The following DSEL variants were observed in gnomAD, a reference collection of about 807,000 sequenced individuals.
DSEL encodes the protein dermatan sulfate epimerase like, also known as dermatan-sulfate epimerase-like protein.
DSEL carries 61 observed loss-of-function variants against 96.6 expected under a neutral mutation model. The ratio of observed to expected loss-of-function variants is 0.63; its 90% CI spans 0.51 to 0.78. The LOEUF is 0.78. DSEL is among the 30% of genes least tolerant of loss of function. DSEL has a pLI of 0.00. For synonymous variants in DSEL, 514 were observed against 502.0 expected, an observed-to-expected ratio of 1.02 and a Z score of -0.32; for missense variants, 1,320 against 1,430.8, an observed-to-expected ratio of 0.92 and a Z score of 1.25.
rs762377472 is a variant in DSEL at position 67,511,710 on chromosome 18, A to G, written c.2899T>C (p.Leu967=). The G allele has an allele frequency of 4.3e-6, 7 of 1,614,046 alleles. No homozygotes were observed. The highest frequency in any genetic ancestry group is 5.9e-6 in the Non-Finnish European group (7 of 1,179,940). ...TTCATTTGACTTCTTTGTTCTGGCA[A>G]AGACTCTCTCCTTTTAAATTTTCTT... ...KKRKFKRRES[L]PEQRSQMKGA... Residue 967 remains leucine (L), a synonymous_variant, in exon 2 of 2, where the codon TTG becomes CTG. Transcript: ENST00000310045.
In DSEL at chr18:67,511,650, C is replaced by A; in HGVS notation, c.2959G>T (p.Ala987Ser). 6.2e-7 allele frequency: 1 copy of A among 1,614,128 alleles called. No homozygotes were observed. Among genetic ancestry groups the A allele is most frequent in the South Asian group, 1.1e-5 (1 of 91,082 alleles). ...AFDRDAEYIRALRRHLVYYPS... is the reference protein window; with the variant it reads ...AFDRDAEYIRSLRRHLVYYPS... The stretch of plus-strand genomic sequence containing the variant: ...TAGTAAACCAGGTGTCTCCTCAAAG[C>A]CCTAATATATTCAGCATCTCTATCA... Residue 987 changes from alanine to serine, a missense_variant, in exon 2 of 2, where the codon GCT becomes TCT. Physicochemically the swap from Ala to Ser is moderately conservative, Grantham distance 99. This residue lies in a region of DSEL where 986 missense variants were observed against 1,066.4 expected (regional missense o/e 0.92). Coordinates refer to ENST00000310045, the MANE Select transcript of DSEL (RefSeq NM_032160.3).
chr18:67,512,430 T>G lies in DSEL; in HGVS notation c.2179A>C (p.Arg727=). 1.2e-6 allele frequency: 2 copies of G among 1,614,160 alleles called. No individual in the cohort carries two copies. Among genetic ancestry groups the G allele is most frequent in the Non-Finnish European group, 1.7e-6 (2 of 1,180,036 alleles). ...IVTDYHNLKT[R]FNYLGFGGFA... ...CCACCGAATCCCAGATAATTGAATC[T>G]TGTCTTCAGGTTATGGTAATCAGTT... is the stretch of plus-strand genomic sequence containing the variant. The change falls in exon 2 of 2, where the codon AGA becomes CGA. Residue 727 remains arginine (R), a synonymous_variant. Transcript: ENST00000310045.
rs116615279 is a variant in DSEL, at chr18:67,512,817, C to T, written c.1792G>A (p.Val598Ile). Reference protein sequence around the residue: ...ERQEDSPINSVSAFFHNLDID... With the variant: ...ERQEDSPINSISAFFHNLDID... ...TCCAAATTATGAAAGAAGGCACTGACAGAATTTATTGGGGAATCTTCTTGC... is the reference window on the plus strand; with the variant it reads ...TCCAAATTATGAAAGAAGGCACTGATAGAATTTATTGGGGAATCTTCTTGC... Residue 598 changes from valine to isoleucine, a missense_variant, in exon 2 of 2, where the codon GTC becomes ATC. Transcript: ENST00000310045. 1.1e-5 allele frequency: 18 copies of T among 1,613,864 alleles called. No homozygotes were observed. Among genetic ancestry groups the T allele is most frequent in the Non-Finnish European group, 1.5e-5 (18 of 1,180,026 alleles).
Position 67,515,025 on chromosome 18 carries a change from C to G in DSEL, c.-417G>C, listed in dbSNP as rs1188727579. ...AATTCAAATTAAGAGTCATTTCTAG[C>G]ACAGAAAACCATCACTGGTGATAAG... On this transcript the variant is annotated 5_prime_UTR_variant, in exon 2 of 2. Transcript: ENST00000310045. 5.2e-6 allele frequency: 1 copy of G among 192,872 alleles called. No individual in the cohort carries two copies. Among genetic ancestry groups the G allele is most frequent in the African/African-American group, 2.4e-5 (1 of 42,282 alleles). The allele number at this position is 192,872 out of a possible 1,614,324, so 11.9% of individuals were successfully genotyped here.
rs780024730 is a variant in DSEL, at chr18:67,514,519, G to A, written c.90C>T (p.Ser30=). 68 of 1,613,936 alleles carry A rather than the reference G, an allele frequency of 4.2e-5. No homozygotes were observed. The highest frequency in any genetic ancestry group is 5.8e-5 in the Non-Finnish European group (68 of 1,180,024). The change falls in exon 2 of 2, where the codon TCC becomes TCT. Residue 30 remains serine (S), a synonymous_variant. Transcript: ENST00000310045. ...STFEESVSNY[S]EWAVFTDDID... ...TATCATCTGTGAAAACTGCCCATTC[G>A]GAATAATTGCTCACAGATTCCTCAA...
chr18:67,516,438 C>A lies in DSEL; in HGVS notation c.-962G>T, dbSNP rs2089476854. ...GGAGGTGGAGAGTTCCAGAAAACTG[C>A]TCTGCACGGCGGGCCAGGCTCCCGC... On this transcript the variant is annotated 5_prime_UTR_variant, in exon 1 of 2. Coordinates refer to ENST00000310045, the MANE Select transcript of DSEL (RefSeq NM_032160.3). The surrounding 1 kb of genome is among the most constrained non-coding windows in gnomAD (Gnocchi z 5.6). The A allele has an allele frequency of 6.6e-6, 1 of 152,388 alleles. No homozygotes were observed. Among genetic ancestry groups the A allele is most frequent in the Admixed American group, 6.5e-5 (1 of 15,282 alleles). 9.4% of individuals were successfully genotyped at this position (152,388 alleles called of 1,614,324 possible).
Position 67,507,794 on chromosome 18 carries a change from G to C in DSEL, c.*3176C>G, listed in dbSNP as rs1030246616. 1 of 152,138 alleles carries C rather than the reference G, an allele frequency of 6.6e-6. No homozygotes were observed. Among genetic ancestry groups the C allele is most frequent in the African/African-American group, 2.4e-5 (1 of 41,432 alleles). 9.4% of individuals were successfully genotyped at this position (152,138 alleles called of 1,614,324 possible). ...GTGTCCACACCTAAACGTACATATT[G>C]TTGTGTCATCACTTTGTTAAAATTT... On this transcript the variant is annotated 3_prime_UTR_variant, in exon 2 of 2. Transcript: ENST00000310045.
In DSEL at chr18:67,507,594, G is replaced by A. The variant is rs998825113; in HGVS notation, c.*3376C>T. ...TTGGTGATGTACAGAAATCGTTGCT[G>A]AACAATTATGCCAACCAAAAGTAAG... is the stretch of plus-strand genomic sequence containing the variant. On this transcript the variant is annotated 3_prime_UTR_variant, in exon 2 of 2. Transcript: ENST00000310045. The A allele has an allele frequency of 2.0e-5, 3 of 152,104 alleles. No homozygotes were observed. Among genetic ancestry groups the A allele is most frequent in the Non-Finnish European group, 2.9e-5 (2 of 68,004 alleles). 9.4% of individuals were successfully genotyped at this position (152,104 alleles called of 1,614,324 possible). A position where few individuals can be genotyped will look rare whatever the true frequency, so the allele number is the denominator to read the frequency against.
rs755546753 is a variant in DSEL, at chr18:67,511,215, G to A, written c.3394C>T (p.His1132Tyr). 2.5e-5 allele frequency: 40 copies of A among 1,613,770 alleles called. No homozygotes were observed. Among genetic ancestry groups the A allele is most frequent in the Non-Finnish European group, 3.3e-5 (39 of 1,180,026 alleles). The stretch of plus-strand genomic sequence containing the variant: ...CTTTCAGTAGTTTTCTGAGGAAAAT[G>A]CACAATATCTTCAAACTTGACCAGC... Reference protein sequence around the residue: ...YQLVKFEDIVHFPQKTTERIF... With the variant: ...YQLVKFEDIVYFPQKTTERIF... Residue 1132 changes from histidine (H) to tyrosine (Y), a missense_variant, in exon 2 of 2, where the codon CAT (histidine) becomes TAT (tyrosine). Around this residue, in one of 3 missense-constraint regions of DSEL, gnomAD observed 986 missense variants for 1,066.4 expected, o/e 0.92. Coordinates refer to ENST00000310045, the MANE Select transcript of DSEL (RefSeq NM_032160.3).
At position 67,511,162 on chromosome 18, in the gene DSEL, C is replaced by A. The variant is rs751267678; in HGVS notation, c.3447G>T (p.Leu1149Phe). ...ERIFAFLGIPLSPASLNQILF... is the reference protein window; with the variant it reads ...ERIFAFLGIPFSPASLNQILF... ...ATATTTGGTTTAAACTAGCAGGAGACAAAGGAATTCCAAGAAAGGCAAAAA... is the reference window on the plus strand; with the variant it reads ...ATATTTGGTTTAAACTAGCAGGAGAAAAAGGAATTCCAAGAAAGGCAAAAA... The change falls in exon 2 of 2, where the codon TTG (leucine) becomes TTT (phenylalanine). Residue 1149 changes from leucine (L) to phenylalanine (F), a missense_variant. Leu to Phe is a conservative substitution (Grantham distance 22). Coordinates refer to ENST00000310045, the MANE Select transcript of DSEL (RefSeq NM_032160.3). 16 of 1,614,062 alleles carry A rather than the reference C, an allele frequency of 9.9e-6. No individual in the cohort carries two copies. Among genetic ancestry groups the A allele is most frequent in the Non-Finnish European group, 1.4e-5 (16 of 1,180,010 alleles).
In DSEL at chr18:67,512,566, G is replaced by A. The variant is rs1253343462; in HGVS notation, c.2043C>T (p.Val681=). ...MEPTITRIAY[V]FYGPYINVSS... Reference sequence around the variant, plus strand: ...AGACATTGATATATGGCCCATAAAAGACATATGCAATTCTTGTGATTGTGG... The same window carrying A: ...AGACATTGATATATGGCCCATAAAAAACATATGCAATTCTTGTGATTGTGG... Residue 681 remains valine (V), a synonymous_variant, in exon 2 of 2, where the codon GTC becomes GTT. Coordinates refer to ENST00000310045, the MANE Select transcript of DSEL (RefSeq NM_032160.3). The A allele has an allele frequency of 6.2e-7, 1 of 1,614,142 alleles. No individual in the cohort carries two copies. Among genetic ancestry groups the A allele is most frequent in the East Asian group, 2.2e-5 (1 of 44,878 alleles).
In DSEL at chr18:67,507,050, A is replaced by G. The variant is rs964149202; in HGVS notation, c.*3920T>C. 1 of 152,146 alleles carries G rather than the reference A, an allele frequency of 6.6e-6. No individual in the cohort carries two copies. Among genetic ancestry groups the G allele is most frequent in the Admixed American group, 6.5e-5 (1 of 15,268 alleles). The allele number at this position is 152,146 out of a possible 1,614,324, so 9.4% of individuals were successfully genotyped here. A position where few individuals can be genotyped will look rare whatever the true frequency, so the allele number is the denominator to read the frequency against. ...CACATATTAAGTGTCTTGATATCTTAGAATGTCAGGTACCCTTGCCAGGTG... is the reference window on the plus strand; with the variant it reads ...CACATATTAAGTGTCTTGATATCTTGGAATGTCAGGTACCCTTGCCAGGTG... On this transcript the variant is annotated 3_prime_UTR_variant, in exon 2 of 2. Transcript: ENST00000310045.
At position 67,511,049 on chromosome 18, in the gene DSEL, G is replaced by A; in HGVS notation, c.3560C>T (p.Pro1187Leu). Reference sequence around the variant, plus strand: ...TTCAATTAGTTTAATTTCATCTCTAGGCAAGTTCTGTTTCCAAACATTAGT... The same window carrying A: ...TTCAATTAGTTTAATTTCATCTCTAAGCAAGTTCTGTTTCCAAACATTAGT... ...TNTNVWKQNL[P>L]RDEIKLIENI... Residue 1187 changes from proline to leucine, a missense_variant, in exon 2 of 2, where the codon CCT (proline) becomes CTT (leucine). By Grantham distance (98) the Pro-to-Leu change is moderately conservative. Around this residue, in one of 3 missense-constraint regions of DSEL, gnomAD observed 986 missense variants for 1,066.4 expected, o/e 0.92. Transcript: ENST00000310045. 1 of 1,613,666 alleles carries A rather than the reference G, an allele frequency of 6.2e-7. No homozygotes were observed. The highest frequency in any genetic ancestry group is 1.3e-5 in the African/African-American group (1 of 74,986).
At position 67,513,098 on chromosome 18, in the gene DSEL, G is replaced by T. The variant is rs1307257733; in HGVS notation, c.1511C>A (p.Ala504Asp). The T allele has an allele frequency of 6.2e-7, 1 of 1,613,994 alleles. No individual in the cohort carries two copies. The highest frequency in any genetic ancestry group is 1.3e-5 in the African/African-American group (1 of 74,876). ...LSHLNNVLVF[A>D]PSPSSQCNKP... ...ATTACACTGGCTTGAGGGTGATGGA[G>T]CAAACACCAATACATTGTTAAGGTG... is the stretch of plus-strand genomic sequence containing the variant. Residue 504 changes from alanine (A) to aspartate (D), a missense_variant, in exon 2 of 2, where the codon GCT becomes GAT. Ala to Asp is a moderately radical substitution (Grantham distance 126). Coordinates refer to ENST00000310045, the MANE Select transcript of DSEL (RefSeq NM_032160.3).
At position 67,514,656 on chromosome 18, in the gene DSEL, C is replaced by T. The variant is rs1261092413; in HGVS notation, c.-48G>A. 8.8e-6 allele frequency: 14 copies of T among 1,594,600 alleles called. No individual in the cohort carries two copies. Among genetic ancestry groups the T allele is most frequent in the Non-Finnish European group, 1.1e-5 (13 of 1,170,000 alleles). On this transcript the variant is annotated 5_prime_UTR_variant, in exon 2 of 2. Transcript: ENST00000310045. ...TTAGGCATACATGTCAGATATGATG[C>T]TCAATGTGTTTCCCATCTGGTTAGT...
At chr18:67,515,604 C>T (rs371910716) in intron 1 of DSEL, 112 bp from the exon 2 acceptor site, 10 of 154,110 alleles carry the variant, frequency 6.5e-5, no homozygotes, top group African/African-American at 1.9e-4. Flanking sequence ...TTTAGAATCA[C>T]AGTAAAATCT....
rs371262711 is a variant in DSEL at position 67,507,216 on chromosome 18, G to C, written c.*3754C>G. Reference sequence around the variant, plus strand: ...ACAAAAATGAGCCAAGCATGGTGGCGTGCACCTGTAATCCCAGCTATTCAG... The same window carrying C: ...ACAAAAATGAGCCAAGCATGGTGGCCTGCACCTGTAATCCCAGCTATTCAG... On this transcript the variant is annotated 3_prime_UTR_variant, in exon 2 of 2. Coordinates refer to ENST00000310045, the MANE Select transcript of DSEL (RefSeq NM_032160.3). The C allele has an allele frequency of 6.6e-6, 1 of 151,664 alleles. No individual in the cohort carries two copies. Among genetic ancestry groups the C allele is most frequent in the Non-Finnish European group, 1.5e-5 (1 of 67,968 alleles). The allele number at this position is 151,664 out of a possible 1,614,324, so 9.4% of individuals were successfully genotyped here.
chr18:67,512,032 T>C lies in DSEL; in HGVS notation c.2577A>G (p.Ser859=), dbSNP rs778113094. 45 of 1,613,860 alleles carry C rather than the reference T, an allele frequency of 2.8e-5. 1 individual carries two copies. Among genetic ancestry groups the C allele is most frequent in the Non-Finnish European group, 3.7e-5 (44 of 1,179,992 alleles). ...HMDLPDVVIT[S]LPGSGAEILK... is the part of the protein sequence containing the mutation. ...GAATTTCAGCTCCTGAACCAGGAAG[T>C]GAGGTAATGACAACATCAGGAAGAT... Residue 859 remains serine (S), a synonymous_variant, in exon 2 of 2, where the codon TCA becomes TCG. Transcript: ENST00000310045.
rs2089454258 is a variant in DSEL at position 67,513,190 on chromosome 18, G to T, written c.1419C>A (p.Asn473Lys). 6.2e-7 allele frequency: 1 copy of T among 1,614,040 alleles called. No individual in the cohort carries two copies. Among genetic ancestry groups the T allele is most frequent in the South Asian group, 1.1e-5 (1 of 91,084 alleles). Residue 473 changes from asparagine to lysine, a missense_variant, in exon 2 of 2, where the codon AAC (asparagine) becomes AAA (lysine). Around this residue, in one of 3 missense-constraint regions of DSEL, gnomAD observed 986 missense variants for 1,066.4 expected, o/e 0.92. Transcript: ENST00000310045. ...GTCCATTGGGGGCAAAAGTAAATGA[G>T]TTCTGATCTGGATGCTCATGTCCTG... ...FNPGHEHPDQ[N>K]SFTFAPNGQV...
Sources: gnomAD v4.1 joint callset for allele counts on GRCh38, gnomAD v4.1.1 for gene constraint, gnomAD v4.1.1 regional missense constraint, Gnocchi (gnomAD v3.1) non-coding constraint, MANE v1.5 for transcripts, NCBI Gene and HGNC (gene_info 2026-07-23, HGNC 2026-07-21) for gene names.